The following COTL1 variants were observed in gnomAD, a reference collection of about 807,000 sequenced individuals.
COTL1 encodes the protein coactosin like F-actin binding protein 1.
A neutral mutation model predicts 16.5 loss-of-function variants in COTL1; 15 were observed. The ratio of observed to expected loss-of-function variants is 0.91; its 90% CI spans 0.61 to 1.40. COTL1 has a LOEUF of 1.40. COTL1 is among the 40% of genes most tolerant of loss of function. The pLI is 0.00. For missense variants in COTL1, 220 were observed against 201.5 expected, an observed-to-expected ratio of 1.09 and a Z score of -0.56; for synonymous variants, 112 against 85.3, an observed-to-expected ratio of 1.31 and a Z score of -1.73.
intron 2 of COTL1, among the ~76,000 whole-genome samples, chr16:84,609,686 G>A (rs1905280664): frequency 1.3e-5 from 2 of 152,194 alleles, no homozygotes; most frequent in Non-Finnish European, 2.9e-5. Flanking sequence ...AGGACGGGGT[G>A]GAGATAATTG....
chr16:84,587,688 C>T (rs556212940), intron 3 of COTL1, among the ~76,000 whole-genome samples: 23 of 152,150 alleles, frequency 1.5e-4, no homozygotes, highest in East Asian at 1.2e-3. Context: ...AGGCAGGAGG[C>T]GAGCCCGTCC....
At chr16:84,569,695 C>T (rs1465953783) in intron 3 of COTL1, among the ~76,000 whole-genome samples, 1 of 152,174 alleles carries the variant, frequency 6.6e-6, no homozygotes, top group Non-Finnish European at 1.5e-5. Context: ...CTGTTCCCAC[C>T]CCACTACAGT....
At chr16:84,615,876 T>TGTGTGTGCGC (rs755850381) in intron 2 of COTL1, 7 of 150,056 alleles carry the variant, frequency 4.7e-5, no homozygotes, top group East Asian at 2.0e-4. Flanking sequence ...TGTGTGTGTG[T>TGTGTGTGCGC]GCGCGCACGC....
intron 3 of COTL1, among the ~76,000 whole-genome samples, chr16:84,572,842 G>A (rs1319950765): frequency 6.6e-6 from 1 of 151,648 alleles, no homozygotes; most frequent in Non-Finnish European, 1.5e-5. Flanking sequence ...AACCTCCACC[G>A]CCTGTGCTCA....
intron 3 of COTL1, 110 bp from the exon 4 acceptor site, chr16:84,567,065 G>A: frequency 1.4e-6 from 1 of 730,860 alleles, no homozygotes; most frequent in Non-Finnish European, 2.5e-6. Context: ...CCTGATGAGA[G>A]ATGGAAATGG....
intron 3 of COTL1, among the ~76,000 whole-genome samples, chr16:84,578,991 A>G (rs564883248): frequency 6.6e-6 from 1 of 152,188 alleles, no homozygotes; most frequent in East Asian, 1.9e-4. Flanking sequence ...GCATGCGTAC[A>G]CACATATACA....
At chr16:84,570,700 T>C (rs778710858) in intron 3 of COTL1, among the ~76,000 whole-genome samples, 1 of 152,210 alleles carries the variant, frequency 6.6e-6, no homozygotes, top group Non-Finnish European at 1.5e-5. Context: ...CTTTCCTCTC[T>C]GCTCGGTAGA....
At chr16:84,577,030 T>C (rs1904468482) in intron 3 of COTL1, 1 of 152,170 alleles carries the variant, frequency 6.6e-6, no homozygotes, top group African/African-American at 2.4e-5. Context: ...ACCCTGAATC[T>C]TGCTAGGAGA....
At chr16:84,592,027 C>A (rs552073864) in intron 2 of COTL1, among the ~76,000 whole-genome samples, 74 of 152,170 alleles carry the variant, frequency 4.9e-4, no homozygotes, top group Non-Finnish European at 8.7e-4. Flanking sequence ...TAGGAACCAT[C>A]CCGTAAATTG....
intron 3 of COTL1, chr16:84,568,586 C>G (rs1047302967): frequency 6.6e-6 from 1 of 152,114 alleles, no homozygotes; most frequent in South Asian, 2.1e-4. Context: ...GTATAAATGT[C>G]TAAAAAAGGC....
At chr16:84,579,280 T>G (rs1904523825) in intron 3 of COTL1, among the ~76,000 whole-genome samples, 1 of 152,216 alleles carries the variant, frequency 6.6e-6, no homozygotes, top group African/African-American at 2.4e-5. Flanking sequence ...GTGGATCACC[T>G]GAGGTCAGGA....
intron 3 of COTL1, among the ~76,000 whole-genome samples, chr16:84,583,568 CA>C (rs1304447155): frequency 1.3e-5 from 2 of 151,924 alleles, no homozygotes; most frequent in African/African-American, 2.4e-5. Context: ...GCGATCCTCC[CA>C]CCTCAGACTC....
intron 2 of COTL1, chr16:84,616,381 T>C (rs1157179548): frequency 3.3e-5 from 5 of 152,142 alleles, no homozygotes; most frequent in African/African-American, 9.7e-5. Flanking sequence ...TGGGCGCCTG[T>C]AATCCCAGCT....
At chr16:84,606,805 T>A (rs62050744) in intron 2 of COTL1, among the ~76,000 whole-genome samples, 92,546 of 152,080 alleles carry the variant, frequency 0.61, 28,538 homozygotes, top group African/African-American at 0.72. Flanking sequence ...ATGTTCCTCT[T>A]AGGGTCCCTG....
chr16:84,571,930 G>A (rs550543035), intron 3 of COTL1, among the ~76,000 whole-genome samples: 1 of 152,292 alleles, frequency 6.6e-6, no homozygotes, highest in East Asian at 1.9e-4. Flanking sequence ...TCCTACACGG[G>A]GTGCTCCCAA....
intron 3 of COTL1, among the ~76,000 whole-genome samples, chr16:84,571,800 C>G (rs1265957270): frequency 6.6e-6 from 1 of 152,216 alleles, no homozygotes; most frequent in East Asian, 1.9e-4. Context: ...GCAGCCAGAG[C>G]TGGACCCCAG....
At chr16:84,582,734 C>G (rs1410789531) in intron 3 of COTL1, among the ~76,000 whole-genome samples, 1 of 152,140 alleles carries the variant, frequency 6.6e-6, no homozygotes, top group Admixed American at 6.6e-5. Flanking sequence ...ACACCTACTG[C>G]TTTTCTTTAA....
chr16:84,568,254 T>G (rs1357141037), intron 3 of COTL1: 1 of 152,222 alleles, frequency 6.6e-6, no homozygotes, highest in Non-Finnish European at 1.5e-5. Flanking sequence ...CAGCTTGGCC[T>G]CCCAAGGTGT....
chr16:84,570,304 T>A (rs2150679289), intron 3 of COTL1, among the ~76,000 whole-genome samples: 1 of 152,186 alleles, frequency 6.6e-6, no homozygotes, highest in East Asian at 1.9e-4. Flanking sequence ...TGATAAGGTC[T>A]AAGAAATCTC....
Sources: allele counts gnomAD v4.1 joint callset (sites outside exome capture counted in the v4.1 genomes callset), GRCh38; gene constraint gnomAD v4.1.1; transcripts MANE v1.5; gene names NCBI Gene and HGNC (gene_info 2026-07-23, HGNC 2026-07-21).